Variants in ARHGAP21 observed in about 807,000 individuals in gnomAD.
ARHGAP21 encodes the protein rho GTPase-activating protein 21.
In ARHGAP21, 38 loss-of-function variants were observed where a neutral mutation model predicts 164.6. That is an observed-to-expected ratio of 0.23 (90% CI 0.18 to 0.30). ARHGAP21 has a LOEUF of 0.30. Ranked by LOEUF, ARHGAP21 falls within the 10% of genes least tolerant of loss-of-function variation. The pLI is 1.00. For synonymous variants in ARHGAP21, 766 were observed against 857.9 expected, an observed-to-expected ratio of 0.89 and a Z score of 1.87; for missense variants, 1,822 against 2,370.7, an observed-to-expected ratio of 0.77 and a Z score of 4.81.
intron 2 of ARHGAP21, among the ~76,000 whole-genome samples, chr10:24,672,933 A>T (rs550901803): frequency 9.8e-5 from 15 of 152,342 alleles, no homozygotes; most frequent in African/African-American, 3.6e-4. Flanking sequence ...CTGGAAATTT[A>T]AAACTTTTTA....
chr10:24,589,172 C>A, intron 25 of ARHGAP21, 99 bp downstream of exon 25: 1 of 1,011,230 alleles, frequency 9.9e-7, no homozygotes, highest in South Asian at 1.4e-5. Flanking sequence ...TGCTCTGTCT[C>A]ATTAGACATA....
At position 24,666,981 on chromosome 10, in the gene ARHGAP21, A is replaced by G; in HGVS notation, c.268+4T>C. On this transcript the variant is annotated splice_donor_region_variant and intron_variant, in intron 4 of 25. Transcript: ENST00000396432. ...AGAGATAAATTAAAATGTTTATAGCATACCTCCTCTGTTTCCATTTTCTTC... is the reference window on the plus strand; with the variant it reads ...AGAGATAAATTAAAATGTTTATAGCGTACCTCCTCTGTTTCCATTTTCTTC... 2 of 1,433,892 alleles carry G rather than the reference A, an allele frequency of 1.4e-6. No individual in the cohort carries two copies. The highest frequency in any genetic ancestry group is 1.9e-6 in the Non-Finnish European group (2 of 1,044,146). The allele number at this position is 1,433,892 out of a possible 1,614,324, so 88.8% of individuals were successfully genotyped here.
intron 21 of ARHGAP21, among the ~76,000 whole-genome samples, chr10:24,592,738 G>GA (rs2076391645): frequency 7.0e-6 from 1 of 142,696 alleles, no homozygotes; most frequent in African/African-American, 2.7e-5. Flanking sequence ...CCTGTTTGAA[G>GA]AAAAAAAGAA....
At chr10:24,668,754 G>T (rs1052813072) in intron 3 of ARHGAP21, among the ~76,000 whole-genome samples, 2 of 151,506 alleles carry the variant, frequency 1.3e-5, no homozygotes, top group African/African-American at 4.9e-5. Context: ...AAAATCTACT[G>T]ACAATGTTAA....
intron 2 of ARHGAP21, among the ~76,000 whole-genome samples, chr10:24,676,714 G>C (rs1448533927): frequency 6.6e-6 from 1 of 152,176 alleles, no homozygotes; most frequent in Non-Finnish European, 1.5e-5. Flanking sequence ...AGGATTTGGA[G>C]ATTTGGAGTC....
At chr10:24,610,421 A>T (rs1429162614) in intron 9 of ARHGAP21, among the ~76,000 whole-genome samples, 1 of 151,814 alleles carries the variant, frequency 6.6e-6, no homozygotes, top group Non-Finnish European at 1.5e-5. Flanking sequence ...TAAAAGACCC[A>T]GAGCTCTTTA....
intron 1 of ARHGAP21, chr10:24,723,285 G>A (rs1846113375): frequency 6.6e-6 from 1 of 151,066 alleles, no homozygotes; most frequent in Non-Finnish European, 1.5e-5. Context: ...AGCGGCCCCA[G>A]GCGCCCCTCC....
In ARHGAP21 at chr10:24,706,309, T is replaced by A. The variant is rs182080060; in HGVS notation, c.63+15528A>T. Among the ~76,000 whole-genome samples, 278 of 152,290 alleles carry A rather than the reference T, an allele frequency of 1.8e-3. 1 individual carries two copies. Among genetic ancestry groups the A allele is most frequent in the African/African-American group, 6.5e-3 (270 of 41,562 alleles). ...TAGTCTCATCTGTGCTACTTAAGAATTAACTTAATTCTTTTAAAGTAATTC... is the reference window on the plus strand; with the variant it reads ...TAGTCTCATCTGTGCTACTTAAGAAATAACTTAATTCTTTTAAAGTAATTC... On this transcript the variant is annotated intron_variant, in intron 2 of 25. Coordinates refer to ENST00000396432, the MANE Select transcript of ARHGAP21 (RefSeq NM_020824.4).
chr10:24,715,901 C>G (rs1269938126), intron 2 of ARHGAP21, among the ~76,000 whole-genome samples: 4 of 152,140 alleles, frequency 2.6e-5, no homozygotes, highest in Non-Finnish European at 5.9e-5. Flanking sequence ...CCCAGCTACT[C>G]AGGAGGCTGA....
At chr10:24,693,117 TTC>T (rs1395916683) in intron 2 of ARHGAP21, among the ~76,000 whole-genome samples, 2 of 152,190 alleles carry the variant, frequency 1.3e-5, no homozygotes, top group Non-Finnish European at 2.9e-5. Flanking sequence ...TAACAGAGGC[TTC>T]TGAGGCGCTG....
chr10:24,590,019 A>C (rs1038556703), intron 24 of ARHGAP21: 15 of 283,248 alleles, frequency 5.3e-5, no homozygotes, highest in Non-Finnish European at 8.3e-5. Flanking sequence ...TCTGGCAAAA[A>C]CTCAGATTAT....
At chr10:24,592,248 C>T (rs183466982) in intron 21 of ARHGAP21, among the ~76,000 whole-genome samples, 19 of 144,624 alleles carry the variant, frequency 1.3e-4, no homozygotes, top group African/African-American at 4.4e-4. Flanking sequence ...ACTGCACTCT[C>T]GATAGAATCT....
intron 13 of ARHGAP21, among the ~76,000 whole-genome samples, chr10:24,601,679 A>T (rs557173874): frequency 6.6e-6 from 1 of 152,218 alleles, no homozygotes; most frequent in African/African-American, 2.4e-5. Context: ...CATTGCTAAT[A>T]AACTAATAAG....
At chr10:24,640,456 T>C (rs766861476) in intron 4 of ARHGAP21, among the ~76,000 whole-genome samples, 27 of 152,242 alleles carry the variant, frequency 1.8e-4, no homozygotes, top group Non-Finnish European at 3.1e-4. Context: ...ATTTTTTCCA[T>C]TGGTTTCTTT....
At chr10:24,592,551 T>C (rs2076380286) in intron 21 of ARHGAP21, among the ~76,000 whole-genome samples, 1 of 152,120 alleles carries the variant, frequency 6.6e-6, no homozygotes, top group African/African-American at 2.4e-5. Context: ...GGCACACCTG[T>C]AGTCCCAGCA....
intron 2 of ARHGAP21, among the ~76,000 whole-genome samples, chr10:24,718,898 G>GA (rs891804851): frequency 5.3e-5 from 8 of 151,522 alleles, no homozygotes; most frequent in Admixed American, 3.3e-4. Flanking sequence ...GTTAGAAATG[G>GA]AAAAAAAATC....
rs746707798 is a variant in ARHGAP21 at position 24,585,467 on chromosome 10, C to A, written c.4822G>T (p.Val1608Leu). Residue 1608 changes from valine to leucine, a missense_variant, in exon 26 of 26, where the codon GTG becomes TTG. Coordinates refer to ENST00000396432, the MANE Select transcript of ARHGAP21 (RefSeq NM_020824.4). ...CCCTTGCTCTCTGCCACGGATTGCA[C>A]CTCAGGGCTCAGTCGACTGGAGTCC... ...SLDSSRLSPEVQSVAESKGDE... is the reference protein window; with the variant it reads ...SLDSSRLSPELQSVAESKGDE... 6 of 1,613,972 alleles carry A rather than the reference C, an allele frequency of 3.7e-6. No individual in the cohort carries two copies. The highest frequency in any genetic ancestry group is 4.2e-6 in the Non-Finnish European group (5 of 1,180,036).
chr10:24,688,231 A>G (rs961352292), intron 2 of ARHGAP21, among the ~76,000 whole-genome samples: 16 of 152,168 alleles, frequency 1.1e-4, no homozygotes, highest in African/African-American at 3.9e-4. Flanking sequence ...TCTCTACTAA[A>G]AATACAAAAA....
At chr10:24,718,978 T>C (rs1014506990) in intron 2 of ARHGAP21, among the ~76,000 whole-genome samples, 2 of 151,928 alleles carry the variant, frequency 1.3e-5, no homozygotes, top group African/African-American at 4.8e-5. Context: ...CCTTGAAAGA[T>C]GAAGCTATAT....
Sources: gnomAD v4.1 joint callset for allele counts (sites outside exome capture counted in the v4.1 genomes callset) on GRCh38, gnomAD v4.1.1 for gene constraint, MANE v1.5 for transcripts, NCBI Gene and HGNC (gene_info 2026-07-23, HGNC 2026-07-21) for gene names.